The following SLC24A1 variants were observed in gnomAD, a reference collection of about 807,000 sequenced individuals.
SLC24A1 encodes sodium/potassium/calcium exchanger 1.
In SLC24A1, 52 loss-of-function variants were observed where a neutral mutation model predicts 88.1. That is an observed-to-expected ratio of 0.59 (90% CI 0.47 to 0.74). The LOEUF (loss-of-function observed/expected upper bound fraction) is 0.74. SLC24A1 is among the 30% of genes least tolerant of loss of function. The probability of loss-of-function intolerance (pLI) is 0.00; values close to 1 mark genes in which losing one functional copy is unlikely to be tolerated. For missense variants in SLC24A1, 1,173 were observed against 1,363.3 expected, an observed-to-expected ratio of 0.86 and a Z score of 2.20; for synonymous variants, 455 against 498.0, an observed-to-expected ratio of 0.91 and a Z score of 1.15.
chr15:65,623,170 T>C (rs1355195547), intron 1 of SLC24A1, among the ~76,000 whole-genome samples: 3 of 152,248 alleles, frequency 2.0e-5, no homozygotes, highest in Non-Finnish European at 4.4e-5. Context: ...ACTAACAGAA[T>C]ATACAGTGAA....
chr15:65,625,759 G>C lies in SLC24A1; in HGVS notation c.1679G>C (p.Arg560Pro). The change falls in exon 2 of 10, where the codon CGT (arginine) becomes CCT (proline). Residue 560 changes from arginine (R) to proline (P), a missense_variant. By Grantham distance (103) the Arg-to-Pro change is moderately radical. Transcript: ENST00000261892. ...AACCTCACCTGGTGGCCCTTATTCC[G>C]TGATGTCTCCTTCTACATCCTTGAC... ...ILNLTWWPLF[R>P]DVSFYILDLI... is the part of the protein sequence containing the mutation. 1 of 1,613,972 alleles carries C rather than the reference G, an allele frequency of 6.2e-7. No individual in the cohort carries two copies. Among genetic ancestry groups the C allele is most frequent in the Non-Finnish European group, 8.5e-7 (1 of 1,179,866 alleles).
downstream of SLC24A1, chr15:65,660,191 T>C: frequency 1.1e-6 from 1 of 879,470 alleles, no homozygotes; most frequent in South Asian, 1.4e-5. Flanking sequence ...CAGATATATG[T>C]GCCTAGCACC....
chr15:65,644,400 A>G (rs747379850), intron 4 of SLC24A1, 27 bp from the exon 5 acceptor site: 3 of 1,475,704 alleles, frequency 2.0e-6, no homozygotes, highest in African/African-American at 2.8e-5. Flanking sequence ...AATTCCAGGT[A>G]AGATGTATGT....
intron 3 of SLC24A1, among the ~76,000 whole-genome samples, chr15:65,638,953 T>C (rs1277958397): frequency 6.6e-6 from 1 of 152,132 alleles, no homozygotes; most frequent in Non-Finnish European, 1.5e-5. Context: ...GTCTGTACAG[T>C]ATAGATGTGT....
Position 65,650,809 on chromosome 15 carries a change from AAG to A in SLC24A1, c.2663_2664del (p.Glu888GlyfsTer6). On this transcript the variant is annotated frameshift_variant, in exon 7 of 10. Transcript: ENST00000261892. LOFTEE classifies it high-confidence loss of function. This position sits in a 1 kb window ranked among gnomAD's most constrained non-coding sequence, Gnocchi z 4.1. Reference sequence around the variant, plus strand: ...GAGGAAGAGGAGGAGGAGGAGGAGGAAGAGGAGGAGAAGGGAAATGAAGAGCC... The same window carrying A: ...GAGGAAGAGGAGGAGGAGGAGGAGGAAGGAGGAGAAGGGAAATGAAGAGCC... 6.2e-7 allele frequency: 1 copy of A among 1,613,588 alleles called. No individual in the cohort carries two copies. The highest frequency in any genetic ancestry group is 1.1e-5 in the South Asian group (1 of 91,008).
chr15:65,632,099 G>A (rs143656562), intron 2 of SLC24A1, among the ~76,000 whole-genome samples: 277 of 152,252 alleles, frequency 1.8e-3, no homozygotes, highest in African/African-American at 6.3e-3. Context: ...CAAAGTTCTG[G>A]GATTACAGGT....
chr15:65,650,999 C>A lies in SLC24A1; in HGVS notation c.2793+57C>A. The A allele has an allele frequency of 6.8e-7, 1 of 1,468,560 alleles. No homozygotes were observed. The highest frequency in any genetic ancestry group is 1.1e-5 in the South Asian group (1 of 87,806). The allele number at this position is 1,468,560 out of a possible 1,614,324, so 91.0% of individuals were successfully genotyped here. A position where few individuals can be genotyped will look rare whatever the true frequency, so the allele number is the denominator to read the frequency against. On this transcript the variant is annotated intron_variant, in intron 7 of 9. Transcript: ENST00000261892. The surrounding 1 kb of genome is among the most constrained non-coding windows in gnomAD (Gnocchi z 4.1). ...TATCCCCAGCAGGGCTGTGGGGTCT[C>A]TCGGCATGCGGGGCTCACACTCAAG...
chr15:65,613,765 C>T (rs1258837377), intron 2 of SLC24A1, among the ~76,000 whole-genome samples: 2 of 151,974 alleles, frequency 1.3e-5, no homozygotes, highest in East Asian at 3.9e-4. Flanking sequence ...GGATTACAGG[C>T]ATGAGCCACT....
chr15:65,652,888 C>T, intron 9 of SLC24A1, 80 bp downstream of exon 9: 2 of 1,186,826 alleles, frequency 1.7e-6, no homozygotes, highest in Non-Finnish European at 2.4e-6. Context: ...TGGTTTTCTG[C>T]TTTATTCATT....
At chr15:65,640,009 A>G (rs1305642515) in intron 4 of SLC24A1, among the ~76,000 whole-genome samples, 1 of 152,164 alleles carries the variant, frequency 6.6e-6, no homozygotes, top group Non-Finnish European at 1.5e-5. Flanking sequence ...GGCTGTGAGT[A>G]CCATGTGCTC....
Position 65,624,311 on chromosome 15 carries a change from C to T in SLC24A1, c.231C>T (p.Ser77=), listed in dbSNP as rs779174615. 2.0e-5 allele frequency: 33 copies of T among 1,613,620 alleles called. No homozygotes were observed. Among genetic ancestry groups the T allele is most frequent in the African/African-American group, 4.0e-5 (3 of 74,858 alleles). ...LSSEEMMMMS[S]SPSKPSSEMG... ...GTGAAGAGATGATGATGATGAGCAG[C>T]AGCCCTTCAAAACCTAGCTCCGAAA... The change falls in exon 2 of 10, where the codon AGC becomes AGT. Residue 77 remains serine, a synonymous_variant. Transcript: ENST00000261892.
At chr15:65,636,230 G>A (rs2074928468) in intron 2 of SLC24A1, among the ~76,000 whole-genome samples, 1 of 152,188 alleles carries the variant, frequency 6.6e-6, no homozygotes, top group Non-Finnish European at 1.5e-5. Context: ...TGAAGCAGGA[G>A]GACTGCTTGA....
chr15:65,651,237 A>C (rs141084101), intron 7 of SLC24A1, among the ~76,000 whole-genome samples: 1 of 152,228 alleles, frequency 6.6e-6, no homozygotes, highest in Admixed American at 6.5e-5. Context: ...TAATTTGAGA[A>C]TGATACCACT....
intron 2 of SLC24A1, 94 bp downstream of exon 2, chr15:65,626,064 C>A: frequency 1.1e-6 from 1 of 882,310 alleles, no homozygotes; most frequent in East Asian, 2.4e-5. Flanking sequence ...GATCAGACCT[C>A]AAGAGATGAA....
In SLC24A1 at chr15:65,653,841, C is replaced by T; in HGVS notation, c.3062C>T (p.Pro1021Leu). The stretch of plus-strand genomic sequence containing the variant: ...CTTCAATCTTGCAGCTTGCCTGTTC[C>T]TTGGTTGCTTTTCTCTCTTATCAAT... ...IFDITVGLPV[P>L]WLLFSLINGL... The change falls in exon 10 of 10, where the codon CCT becomes CTT. Residue 1021 changes from proline (P) to leucine (L), a missense_variant. Coordinates refer to ENST00000261892, the MANE Select transcript of SLC24A1 (RefSeq NM_004727.3). 6.2e-7 allele frequency: 1 copy of T among 1,613,750 alleles called. No homozygotes were observed. The highest frequency in any genetic ancestry group is 2.2e-5 in the East Asian group (1 of 44,872).
rs1356063457 is a variant in SLC24A1 at position 65,622,056 on chromosome 15, C to G, written c.-163C>G. 1 of 152,224 alleles carries G rather than the reference C, an allele frequency of 6.6e-6. No individual in the cohort carries two copies. Among genetic ancestry groups the G allele is most frequent in the Non-Finnish European group, 1.5e-5 (1 of 68,082 alleles). The allele number at this position is 152,224 out of a possible 1,614,324, so 9.4% of individuals were successfully genotyped here. A position where few individuals can be genotyped will look rare whatever the true frequency, so the allele number is the denominator to read the frequency against. ...GAGATATTGGATTCTGACAAGTTTCCAGAGCTGAGAAGACAGCCAGATGTC... is the reference window on the plus strand; with the variant it reads ...GAGATATTGGATTCTGACAAGTTTCGAGAGCTGAGAAGACAGCCAGATGTC... On this transcript the variant is annotated 5_prime_UTR_variant, in exon 1 of 10. Coordinates refer to ENST00000261892, the MANE Select transcript of SLC24A1 (RefSeq NM_004727.3).
At chr15:65,646,357 A>C (rs576595807) in intron 6 of SLC24A1, among the ~76,000 whole-genome samples, 1 of 151,962 alleles carries the variant, frequency 6.6e-6, no homozygotes, top group East Asian at 1.9e-4. Context: ...GATTATAGGC[A>C]TGAGCCACCA....
In SLC24A1 at chr15:65,650,318, G is replaced by C; in HGVS notation, c.2233-64G>C. 2 of 1,350,486 alleles carry C rather than the reference G, an allele frequency of 1.5e-6. No individual in the cohort carries two copies. Among genetic ancestry groups the C allele is most frequent in the Non-Finnish European group, 2.0e-6 (2 of 988,334 alleles). 83.7% of individuals were successfully genotyped at this position (1,350,486 alleles called of 1,614,324 possible). A position where few individuals can be genotyped will look rare whatever the true frequency, so the allele number is the denominator to read the frequency against. Reference sequence around the variant, plus strand: ...GAAGCACGCCAACAAAAAAATGGGGGAGTAACATAAGGAAAACAAGCAGAG... The same window carrying C: ...GAAGCACGCCAACAAAAAAATGGGGCAGTAACATAAGGAAAACAAGCAGAG... On this transcript the variant is annotated intron_variant, in intron 6 of 9. Coordinates refer to ENST00000261892, the MANE Select transcript of SLC24A1 (RefSeq NM_004727.3). This position sits in a 1 kb window ranked among gnomAD's most constrained non-coding sequence, Gnocchi z 4.1.
At chr15:65,639,316 A>C (rs1371064243) in intron 3 of SLC24A1, among the ~76,000 whole-genome samples, 3 of 152,206 alleles carry the variant, frequency 2.0e-5, no homozygotes, top group Admixed American at 2.0e-4. Flanking sequence ...CAAACCCTTC[A>C]TAACGTGATA....
Sources: gnomAD v4.1 joint callset for allele counts (sites outside exome capture counted in the v4.1 genomes callset) on GRCh38, gnomAD v4.1.1 for gene constraint, Gnocchi (gnomAD v3.1) non-coding constraint, MANE v1.5 for transcripts, NCBI Gene and HGNC (gene_info 2026-07-23, HGNC 2026-07-21) for gene names.